Variants in PSMD1 observed in about 807,000 individuals in gnomAD.
PSMD1 encodes the protein proteasome 26S subunit, non-ATPase 1.
Under a neutral mutation model 119.0 loss-of-function variants are expected in PSMD1, and 18 were observed. The ratio of observed to expected loss-of-function variants is 0.15; its 90% confidence interval spans 0.10 to 0.22. The LOEUF (loss-of-function observed/expected upper bound fraction) is 0.22. Ranked by LOEUF, PSMD1 falls within the 10% of genes least tolerant of loss-of-function variation. PSMD1 has a pLI of 1.00. For missense variants in PSMD1, 702 were observed against 1,158.5 expected (o/e 0.61, Z 5.72); for synonymous variants, 374 against 396.6 (o/e 0.94, Z 0.68).
intron 16 of PSMD1, among the ~76,000 whole-genome samples, chr2:231,109,819 G>A (rs982798588): frequency 6.6e-6 from 1 of 152,148 alleles, no homozygotes; most frequent in African/African-American, 2.4e-5. Context: ...GCACTTCAGA[G>A]TACATTTATT....
intron 16 of PSMD1, among the ~76,000 whole-genome samples, chr2:231,124,711 TTTTTG>T (rs1282037338): frequency 6.6e-6 from 1 of 152,222 alleles, no homozygotes; most frequent in Non-Finnish European, 1.5e-5. Context: ...ACCAGTTCTT[TTTTTG>T]TTTTAAGTAG....
intron 17 of PSMD1, among the ~76,000 whole-genome samples, chr2:231,142,168 C>A (rs769309087): frequency 1.3e-5 from 2 of 152,236 alleles, no homozygotes; most frequent in African/African-American, 4.8e-5. Flanking sequence ...TAGGCATGAG[C>A]CACTGTGCCC....
At chr2:231,073,788 A>AT (rs1226316933) in intron 7 of PSMD1, among the ~76,000 whole-genome samples, 3 of 151,304 alleles carry the variant, frequency 2.0e-5, no homozygotes, top group Non-Finnish European at 3.0e-5. Flanking sequence ...TTAAATTTCT[A>AT]TTTTTTTTGT....
At chr2:231,088,979 C>A (rs533062952) in intron 16 of PSMD1, among the ~76,000 whole-genome samples, 36 of 152,304 alleles carry the variant, frequency 2.4e-4, no homozygotes, top group African/African-American at 6.0e-4. Flanking sequence ...GGAAGTGCAA[C>A]AGCCTTATTG....
Position 231,107,827 on chromosome 2 carries a change from A to G in PSMD1, c.1883+20646A>G, listed in dbSNP as rs567045507. Among the ~76,000 whole-genome samples, 3 of 152,298 alleles carry G rather than the reference A, an allele frequency of 2.0e-5. No homozygotes were observed. In the East Asian group the frequency reaches 5.8e-4, roughly 29 times the overall value. ...ACCTAATGTGGTTCAGGTACCCAAGAGCGATTTTATTTGCTTTTTCCTCCT... is the reference window on the plus strand; with the variant it reads ...ACCTAATGTGGTTCAGGTACCCAAGGGCGATTTTATTTGCTTTTTCCTCCT... On this transcript the variant is annotated intron_variant, in intron 16 of 24. Transcript: ENST00000308696.
intron 3 of PSMD1, 61 bp from the exon 4 acceptor site, chr2:231,062,445 T>C (rs902668473): frequency 1.9e-6 from 3 of 1,552,406 alleles, no homozygotes; most frequent in Non-Finnish European, 2.6e-6. Flanking sequence ...AATATTTAGA[T>C]TTGGGATTTT....
intron 16 of PSMD1, among the ~76,000 whole-genome samples, chr2:231,104,137 AT>A (rs1172102905): frequency 1.3e-5 from 2 of 152,144 alleles, no homozygotes; most frequent in African/African-American, 4.8e-5. Flanking sequence ...TTTATATTTT[AT>A]AACAATATAA....
At chr2:231,119,950 CTTTT>C (rs758725665) in intron 16 of PSMD1, among the ~76,000 whole-genome samples, 1 of 135,720 alleles carries the variant, frequency 7.4e-6, no homozygotes, top group Non-Finnish European at 1.6e-5. Flanking sequence ...TCCCGTGTTA[CTTTT>C]TTTTTTTTTT....
chr2:231,124,586 G>GA (rs879843549), intron 16 of PSMD1, among the ~76,000 whole-genome samples: 3 of 149,354 alleles, frequency 2.0e-5, no homozygotes, highest in East Asian at 1.9e-4. Flanking sequence ...TTGAGAGAAG[G>GA]AAAAAAAAAG....
chr2:231,169,201 T>C (rs900774661), intron 23 of PSMD1, among the ~76,000 whole-genome samples: 1 of 152,210 alleles, frequency 6.6e-6, no homozygotes, highest in Non-Finnish European at 1.5e-5. Flanking sequence ...GAGGCCTTCC[T>C]TTGATTAAGT....
rs551226077 is a variant in PSMD1, at chr2:231,165,417, T to C, written c.2568+131T>C. ...AAACAATTATCCTGTTGCCAGCATG[T>C]AGAATCATCAAACTGTACTTGAAAG... On this transcript the variant is annotated intron_variant, in intron 22 of 24. Coordinates refer to ENST00000308696, the MANE Select transcript of PSMD1 (RefSeq NM_002807.4). The C allele has an allele frequency of 5.4e-5, 62 of 1,158,390 alleles. No homozygotes were observed. The South Asian group carries it at 1.3e-3, about 23-fold the overall frequency. 71.8% of individuals were successfully genotyped at this position (1,158,390 alleles called of 1,614,324 possible).
chr2:231,161,746 TGA>T (rs1462287904), intron 20 of PSMD1, among the ~76,000 whole-genome samples: 1 of 152,166 alleles, frequency 6.6e-6, no homozygotes, highest in Non-Finnish European at 1.5e-5. Context: ...GAAAGAATGG[TGA>T]GAGAGGGGGC....
chr2:231,096,597 C>T (rs1469005553), intron 16 of PSMD1, among the ~76,000 whole-genome samples: 1 of 152,180 alleles, frequency 6.6e-6, no homozygotes, highest in Non-Finnish European at 1.5e-5. Flanking sequence ...GTTTCGGTGC[C>T]ACAAAAGAAA....
intron 16 of PSMD1, among the ~76,000 whole-genome samples, chr2:231,130,633 T>C (rs1695833354): frequency 6.6e-6 from 1 of 152,150 alleles, no homozygotes; most frequent in African/African-American, 2.4e-5. Flanking sequence ...AATTTTTGTA[T>C]TTTTTGTAGA....
chr2:231,083,956 T>C (rs1037860152), intron 14 of PSMD1, among the ~76,000 whole-genome samples, 193 bp downstream of exon 14: 4 of 152,214 alleles, frequency 2.6e-5, no homozygotes, highest in Admixed American at 6.5e-5. Flanking sequence ...TGGGAGTAAT[T>C]TGAGGATTTT....
At chr2:231,126,999 C>T (rs1201707247) in intron 16 of PSMD1, among the ~76,000 whole-genome samples, 4 of 152,042 alleles carry the variant, frequency 2.6e-5, no homozygotes, top group Non-Finnish European at 2.9e-5. Context: ...GTCCCCACTC[C>T]ATATCTTTTT....
rs200010775 is a variant in PSMD1, at chr2:231,128,929, A to AT, written c.1884-9798dup. ...GTTATTGCCAGAACAAAAGAATAAGATTTTTTTTTGTCATCGAAACTCTAG... is the reference window on the plus strand; with the variant it reads ...GTTATTGCCAGAACAAAAGAATAAGATTTTTTTTTTGTCATCGAAACTCTAG... On this transcript the variant is annotated intron_variant, in intron 16 of 24. Coordinates refer to ENST00000308696, the MANE Select transcript of PSMD1 (RefSeq NM_002807.4). Among the ~76,000 whole-genome samples, 302 of 151,852 alleles carry AT rather than the reference A, an allele frequency of 2.0e-3. 2 individuals are homozygous for AT. The highest frequency in any genetic ancestry group is 6.0e-4 in the Non-Finnish European group (41 of 67,906).
chr2:231,061,809 A>AT (rs1415491348), intron 2 of PSMD1, among the ~76,000 whole-genome samples: 1 of 151,906 alleles, frequency 6.6e-6, no homozygotes, highest in African/African-American at 2.4e-5. Context: ...GGCTCAAGTG[A>AT]TCCCCCCGCC....
At chr2:231,089,549 A>G (rs2113606) in intron 16 of PSMD1, among the ~76,000 whole-genome samples, 28,189 of 151,842 alleles carry the variant, frequency 0.19, 4,417 homozygotes, top group African/African-American at 0.42. Flanking sequence ...AGCCTGGATG[A>G]CAGCATGTAT....
Sources: allele counts gnomAD v4.1 joint callset (sites outside exome capture counted in the v4.1 genomes callset), GRCh38; gene constraint gnomAD v4.1.1; transcripts MANE v1.5; gene names NCBI Gene and HGNC (gene_info 2026-07-23, HGNC 2026-07-21).